GRID2: variants seen among roughly 807,000 people sequenced by gnomAD.
GRID2 encodes the protein glutamate receptor ionotropic, delta-2.
Under a neutral mutation model 114.8 loss-of-function variants are expected in GRID2, and 33 were observed. That is an observed-to-expected ratio of 0.29 (90% CI 0.22 to 0.38). GRID2 has a LOEUF of 0.38. GRID2 is among the 10% of genes least tolerant of loss of function. GRID2 has a pLI of 1.00. For synonymous variants in GRID2, 505 were observed against 449.9 expected, an observed-to-expected ratio of 1.12 and a Z score of -1.55; for missense variants, 1,184 against 1,257.7, an observed-to-expected ratio of 0.94 and a Z score of 0.89.
chr4:93,783,737 TCTC>T (rs1390980692), intron 1 of GRID2, among the ~76,000 whole-genome samples: 11 of 152,114 alleles, frequency 7.2e-5, no homozygotes, highest in Non-Finnish European at 1.2e-4. Flanking sequence ...TTTCCAGTCT[TCTC>T]CCCTCTTGCT....
intron 2 of GRID2, among the ~76,000 whole-genome samples, chr4:92,873,758 A>C (rs1430671434): frequency 6.6e-6 from 1 of 152,118 alleles, no homozygotes; most frequent in South Asian, 2.1e-4. Flanking sequence ...TTTGTTGCCC[A>C]GGCTGGAGTG....
chr4:92,739,616 C>A lies in GRID2; in HGVS notation c.244+149330C>A, dbSNP rs970928699. 2.6e-5 allele frequency among the ~76,000 whole-genome samples: 4 copies of A among 152,150 alleles called. No homozygotes were observed. The East Asian group carries it at 7.7e-4, about 29-fold the overall frequency. On this transcript the variant is annotated intron_variant, in intron 2 of 15. Coordinates refer to ENST00000282020, the MANE Select transcript of GRID2 (RefSeq NM_001510.4). ...GGTGGAAGAGCAGTTATACGAGATTCTTATAAAATCTATGAATTTCAGTTT... is the reference window on the plus strand; with the variant it reads ...GGTGGAAGAGCAGTTATACGAGATTATTATAAAATCTATGAATTTCAGTTT...
At chr4:92,488,215 G>A (rs1041944702) in intron 1 of GRID2, among the ~76,000 whole-genome samples, 9 of 152,044 alleles carry the variant, frequency 5.9e-5, no homozygotes, top group African/African-American at 2.2e-4. Flanking sequence ...TCATTTTGGG[G>A]ATATAAAAAG....
intron 2 of GRID2, among the ~76,000 whole-genome samples, chr4:92,763,409 A>G (rs1439725257): frequency 3.3e-5 from 5 of 152,230 alleles, no homozygotes; most frequent in Non-Finnish European, 5.9e-5. Context: ...TCTGCATCCC[A>G]GGATTCAACC....
At chr4:93,331,668 C>T (rs1420092351) in intron 8 of GRID2, among the ~76,000 whole-genome samples, 1 of 152,030 alleles carries the variant, frequency 6.6e-6, no homozygotes, top group Non-Finnish European at 1.5e-5. Flanking sequence ...TGAATGAATA[C>T]ATACACATAT....
chr4:92,914,731 C>A (rs1036017190), intron 2 of GRID2, among the ~76,000 whole-genome samples: 1 of 152,088 alleles, frequency 6.6e-6, no homozygotes, highest in Non-Finnish European at 1.5e-5. Context: ...TATCCATGTT[C>A]TTGCAAAAGA....
intron 8 of GRID2, among the ~76,000 whole-genome samples, chr4:93,343,142 C>CTGTGTGTGTGTG (rs150132437): frequency 1.7e-3 from 70 of 40,188 alleles, no homozygotes; most frequent in African/African-American, 3.7e-3. Context: ...TGTGAGGTGA[C>CTGTGTGTGTGTG]TGTGTGTGTG....
chr4:92,679,505 A>G (rs75109929), intron 2 of GRID2, among the ~76,000 whole-genome samples: 1,948 of 152,212 alleles, frequency 0.013, 51 homozygotes, highest in African/African-American at 0.045. Flanking sequence ...GGTACTAAAA[A>G]TAAATAATTA....
At chr4:93,389,367 G>C (rs935744622) in intron 8 of GRID2, among the ~76,000 whole-genome samples, 1 of 152,006 alleles carries the variant, frequency 6.6e-6, no homozygotes, top group African/African-American at 2.4e-5. Flanking sequence ...AGAATTTGAG[G>C]GAGGGGAATG....
intron 2 of GRID2, among the ~76,000 whole-genome samples, chr4:92,679,294 A>G (rs1271420868): frequency 2.0e-5 from 3 of 151,950 alleles, no homozygotes; most frequent in Non-Finnish European, 4.4e-5. Flanking sequence ...ACATCTTTCT[A>G]GCTTGTAAAT....
At chr4:92,511,680 T>C (rs1454240919) in intron 1 of GRID2, among the ~76,000 whole-genome samples, 1 of 151,864 alleles carries the variant, frequency 6.6e-6, no homozygotes, top group Non-Finnish European at 1.5e-5. Context: ...AAAAGTCTAG[T>C]TGAATCAGTT....
At chr4:92,369,601 C>T (rs567430362) in intron 1 of GRID2, among the ~76,000 whole-genome samples, 2 of 152,242 alleles carry the variant, frequency 1.3e-5, no homozygotes, top group South Asian at 4.1e-4. Context: ...TACCAACACA[C>T]TTCAGTATCC....
chr4:93,542,139 C>T (rs913838674), intron 13 of GRID2, among the ~76,000 whole-genome samples: 2 of 152,120 alleles, frequency 1.3e-5, no homozygotes, highest in African/African-American at 4.8e-5. Flanking sequence ...TGTCTGTTTC[C>T]TCTCACTAGA....
intron 8 of GRID2, among the ~76,000 whole-genome samples, chr4:93,342,091 A>G (rs1560518759): frequency 2.0e-5 from 3 of 152,144 alleles, no homozygotes; most frequent in African/African-American, 4.8e-5. Context: ...GTGAGATAGC[A>G]TCTTATACTG....
intron 2 of GRID2, among the ~76,000 whole-genome samples, chr4:93,014,069 G>C (rs892753181): frequency 6.6e-6 from 1 of 152,042 alleles, no homozygotes; most frequent in Admixed American, 6.6e-5. Flanking sequence ...TTTGTGGAGA[G>C]AAAGGGAATA....
rs372795834 is a variant in GRID2, at chr4:93,652,820, G to A, written c.2360+26385G>A. On this transcript the variant is annotated intron_variant, in intron 14 of 15. Transcript: ENST00000282020. ...AAAAAAAAAAAAAAAAAATGAACTG[G>A]AACAAAAGAGACACCACTTCGAATG... Among the ~76,000 whole-genome samples the A allele has an allele frequency of 2.6e-3, 322 of 125,578 alleles. 4 individuals carry two copies. Among genetic ancestry groups the A allele is most frequent in the African/African-American group, 7.4e-3 (250 of 33,972 alleles). 82.4% of individuals were successfully genotyped at this position (125,578 alleles called of 152,430 possible).
At chr4:92,542,526 C>G (rs1726020020) in intron 1 of GRID2, among the ~76,000 whole-genome samples, 1 of 151,862 alleles carries the variant, frequency 6.6e-6, no homozygotes, top group Non-Finnish European at 1.5e-5. Context: ...TGAAATAACT[C>G]AGGAATGAAA....
At chr4:93,004,888 T>A (rs1237347906) in intron 2 of GRID2, among the ~76,000 whole-genome samples, 1 of 152,104 alleles carries the variant, frequency 6.6e-6, no homozygotes, top group African/African-American at 2.4e-5. Context: ...AAGTATTTTT[T>A]TCACTTTGCT....
intron 1 of GRID2, among the ~76,000 whole-genome samples, chr4:92,348,695 C>T (rs952312479): frequency 6.6e-6 from 1 of 152,090 alleles, no homozygotes; most frequent in Non-Finnish European, 1.5e-5. Flanking sequence ...ATTGCAGAAG[C>T]ATATTTTAAG....
Sources: allele counts gnomAD v4.1 joint callset (sites outside exome capture counted in the v4.1 genomes callset), GRCh38; gene constraint gnomAD v4.1.1; transcripts MANE v1.5; gene names NCBI Gene and HGNC (gene_info 2026-07-23, HGNC 2026-07-21).